Variants in CSTL1 observed in about 807,000 individuals in gnomAD.
CSTL1 encodes the protein cystatin like 1, also known as cystatin-like 1.
A neutral mutation model predicts 14.4 loss-of-function variants in CSTL1; 14 were observed. The ratio of observed to expected loss-of-function variants is 0.97; its 90% CI spans 0.64 to 1.52. The LOEUF (loss-of-function observed/expected upper bound fraction) is 1.52, where lower values mean the gene tolerates loss of function less well. CSTL1 is among the 40% of genes most tolerant of loss of function. CSTL1 has a pLI of 0.00. For missense variants in CSTL1, 170 were observed against 168.7 expected (o/e 1.01, Z -0.04); for synonymous variants, 72 against 67.5 (o/e 1.07, Z -0.33).
the CSTL1 span, among the ~76,000 whole-genome samples, chr20:23,451,586 C>G: frequency 6.6e-6 from 1 of 152,202 alleles, no homozygotes; most frequent in South Asian, 2.1e-4. Flanking sequence ...ACCTCAACTC[C>G]TCTCTCTGGA....
intron 2 of CSTL1, among the ~76,000 whole-genome samples, chr20:23,442,963 C>T (rs1332796452): frequency 3.3e-5 from 5 of 152,218 alleles, no homozygotes; most frequent in Non-Finnish European, 7.3e-5. Flanking sequence ...GGCCTCCCTG[C>T]CCACAAGGGC....
chr20:23,449,930 G>T (rs996581381), downstream of CSTL1, among the ~76,000 whole-genome samples: 1 of 152,150 alleles, frequency 6.6e-6, no homozygotes, highest in Non-Finnish European at 1.5e-5. Context: ...TCTAATTCTG[G>T]AGTTTGCAAT....
chr20:23,443,999 C>G lies in CSTL1; in HGVS notation c.285C>G (p.Asp95Glu), dbSNP rs1986905054. 6.2e-7 allele frequency: 1 copy of G among 1,614,176 alleles called. No individual in the cohort carries two copies. The change falls in exon 3 of 4, where the codon GAC becomes GAG. Residue 95 changes from aspartate (D) to glutamate (E), a missense_variant. Physicochemically the swap from Asp to Glu is conservative, Grantham distance 45. Transcript: ENST00000347397. Reference protein sequence around the residue: ...KIGWTKCKRNDTSNSSCPLQS... With the variant: ...KIGWTKCKRNETSNSSCPLQS... ...GCTGGACCAAATGCAAGAGGAATGA[C>G]ACGAGCAATTCTTCCTGCCCCCTGC...
chr20:23,441,446 A>T (rs868408355), intron 2 of CSTL1, among the ~76,000 whole-genome samples: 2 of 152,328 alleles, frequency 1.3e-5, no homozygotes, highest in Middle Eastern at 3.4e-3. Flanking sequence ...CAGATAATAA[A>T]CTATACAGTC....
the CSTL1 span, among the ~76,000 whole-genome samples, chr20:23,460,020 T>A: frequency 3.3e-5 from 5 of 152,368 alleles, no homozygotes; most frequent in South Asian, 1.0e-3. Flanking sequence ...GTTTATAGCA[T>A]CACTTCTGTT....
chr20:23,454,011 T>C, the CSTL1 span, among the ~76,000 whole-genome samples: 4 of 147,594 alleles, frequency 2.7e-5, no homozygotes, highest in Non-Finnish European at 5.9e-5. Flanking sequence ...CACACCTACA[T>C]GTATACATCC....
chr20:23,459,585 G>A, the CSTL1 span: 1 of 152,104 alleles, frequency 6.6e-6, no homozygotes, highest in South Asian at 2.1e-4. Flanking sequence ...TTGCCCAAAT[G>A]TTAAACTTTG....
At chr20:23,452,268 C>T in the CSTL1 span, among the ~76,000 whole-genome samples, 4 of 152,138 alleles carry the variant, frequency 2.6e-5, no homozygotes, top group South Asian at 4.1e-4. Flanking sequence ...CTACTCAGTT[C>T]GGCATGAGTG....
intron 2 of CSTL1, 69 bp from the exon 3 acceptor site, chr20:23,443,865 C>A: frequency 8.6e-7 from 1 of 1,164,756 alleles, no homozygotes; most frequent in Non-Finnish European, 1.3e-6. Context: ...TCAGTCCTAG[C>A]TTCTCCAGGA....
chr20:23,456,865 G>A, the CSTL1 span, among the ~76,000 whole-genome samples: 3 of 152,008 alleles, frequency 2.0e-5, no homozygotes, highest in African/African-American at 7.3e-5. Context: ...CTGGCCTCTG[G>A]TTCTCCCCAG....
At position 23,440,272 on chromosome 20, in the gene CSTL1, G is replaced by T; in HGVS notation, c.5G>T (p.Gly2Val). The change falls in exon 2 of 4, where the codon GGG becomes GTG. Residue 2 changes from glycine to valine, a missense_variant. Gly to Val is a moderately radical substitution (Grantham distance 109, BLOSUM62 -3). Coordinates refer to ENST00000347397, the MANE Select transcript of CSTL1 (RefSeq NM_138283.1). The part of the protein sequence containing the change: M[G>V]IGCWRNPLLL... ...AAAGTTTCTGAGGCTGTAGACATGGGGATCGGATGCTGGAGAAACCCCCTG... is the reference window on the plus strand; with the variant it reads ...AAAGTTTCTGAGGCTGTAGACATGGTGATCGGATGCTGGAGAAACCCCCTG... The T allele has an allele frequency of 6.2e-7, 1 of 1,614,026 alleles. No homozygotes were observed. Among genetic ancestry groups the T allele is most frequent in the Non-Finnish European group, 8.5e-7 (1 of 1,180,010 alleles).
the CSTL1 span, chr20:23,452,836 G>A: frequency 3.2e-6 from 5 of 1,568,938 alleles, no homozygotes; most frequent in Non-Finnish European, 4.4e-6. Flanking sequence ...GGAACAGGAA[G>A]AGTGTTCTCT....
the CSTL1 span, among the ~76,000 whole-genome samples, chr20:23,453,865 C>CAGCATACACATACCTACACACAT: frequency 6.6e-6 from 1 of 152,062 alleles, no homozygotes. Flanking sequence ...GCTGCATAGC[C>CAGCATACACATACCTACACACAT]ACATTCACAC....
At chr20:23,450,722 A>T in the CSTL1 span, 59 of 540,774 alleles carry the variant, frequency 1.1e-4, no homozygotes, top group Middle Eastern at 1.5e-3. Context: ...TTTGACCACA[A>T]ACAGAAGGAC....
chr20:23,455,202 T>A, the CSTL1 span, among the ~76,000 whole-genome samples: 1,676 of 151,962 alleles, frequency 0.011, 39 homozygotes, highest in African/African-American at 0.039. Context: ...TCCCAACTCT[T>A]GTATAGTAAA....
In CSTL1 at chr20:23,444,723, C is replaced by G. The variant is rs1986927601; in HGVS notation, c.331-48C>G. 5 of 1,341,394 alleles carry G rather than the reference C, an allele frequency of 3.7e-6. No homozygotes were observed. In the South Asian group the frequency reaches 5.9e-5, roughly 16 times the overall value. The allele number at this position is 1,341,394 out of a possible 1,614,324, so 83.1% of individuals were successfully genotyped here. A position where few individuals can be genotyped will look rare whatever the true frequency, so the allele number is the denominator to read the frequency against. ...TGGGGAACAGGTGCCTGTTGCTTGC[C>G]TTTGAAAAATACTTCCCCCAAAGTC... On this transcript the variant is annotated intron_variant, in intron 3 of 3. Transcript: ENST00000347397.
At chr20:23,457,998 T>A in the CSTL1 span, among the ~76,000 whole-genome samples, 1 of 152,158 alleles carries the variant, frequency 6.6e-6, no homozygotes, top group African/African-American at 2.4e-5. Flanking sequence ...CATGTCTCAG[T>A]TCCACACTCC....
downstream of CSTL1, among the ~76,000 whole-genome samples, chr20:23,447,552 G>A (rs1986993393): frequency 6.6e-6 from 1 of 151,244 alleles, no homozygotes; most frequent in Non-Finnish European, 1.5e-5. Flanking sequence ...CTGCCTCCCA[G>A]GTTCAAGTGA....
downstream of CSTL1, among the ~76,000 whole-genome samples, chr20:23,449,465 T>C (rs184038533): frequency 3.3e-5 from 5 of 152,296 alleles, no homozygotes; most frequent in African/African-American, 7.2e-5. Flanking sequence ...CCTCACCTGT[T>C]GTATTAAACC....
Sources: gnomAD v4.1 joint callset for allele counts (sites outside exome capture counted in the v4.1 genomes callset) on GRCh38, gnomAD v4.1.1 for gene constraint, MANE v1.5 for transcripts, NCBI Gene and HGNC (gene_info 2026-07-23, HGNC 2026-07-21) for gene names.